FLI1: variants seen among roughly 807,000 people sequenced by gnomAD.
The protein encoded by FLI1 is Fli-1 proto-oncogene, ETS transcription factor.
In FLI1, 13 loss-of-function variants were observed where a neutral mutation model predicts 53.1. The ratio of observed to expected loss-of-function variants is 0.24; its 90% CI spans 0.16 to 0.39. FLI1 has a LOEUF of 0.39. Ranked by LOEUF, FLI1 falls within the 10% of genes least tolerant of loss-of-function variation. The probability of loss-of-function intolerance (pLI) is 1.00; values close to 1 mark genes in which losing one functional copy is unlikely to be tolerated. For synonymous variants in FLI1, 244 were observed against 236.7 expected (o/e 1.03, Z -0.28); for missense variants, 424 against 600.5 (o/e 0.71, Z 3.07).
intron 1 of FLI1, among the ~76,000 whole-genome samples, chr11:128,709,766 C>G (rs1440034039): frequency 6.6e-6 from 1 of 152,190 alleles, no homozygotes; most frequent in Admixed American, 6.5e-5. Flanking sequence ...CTATGGCTGC[C>G]TCCACCCATA....
chr11:128,702,372 T>A (rs1412772130), intron 1 of FLI1, among the ~76,000 whole-genome samples: 2 of 152,230 alleles, frequency 1.3e-5, no homozygotes, highest in African/African-American at 4.8e-5. Context: ...ATTGGAGAAA[T>A]CTTTATTTGT....
In FLI1 at chr11:128,811,101, T is replaced by C; in HGVS notation, c.*113T>C. The C allele has an allele frequency of 9.9e-7, 1 of 1,010,730 alleles. No individual in the cohort carries two copies. Among genetic ancestry groups the C allele is most frequent in the Non-Finnish European group, 1.5e-6 (1 of 662,260 alleles). The allele number at this position is 1,010,730 out of a possible 1,614,324, so 62.6% of individuals were successfully genotyped here. A position where few individuals can be genotyped will look rare whatever the true frequency, so the allele number is the denominator to read the frequency against. On this transcript the variant is annotated 3_prime_UTR_variant, in exon 9 of 9. Transcript: ENST00000527786. ...AAGGGAAGACAAAACTGGATGTTCTTTCTTGTTGGATAGAACCTTTGTATT... is the reference window on the plus strand; with the variant it reads ...AAGGGAAGACAAAACTGGATGTTCTCTCTTGTTGGATAGAACCTTTGTATT...
At chr11:128,708,026 T>G (rs1938624795) in intron 1 of FLI1, among the ~76,000 whole-genome samples, 1 of 152,208 alleles carries the variant, frequency 6.6e-6, no homozygotes, top group South Asian at 2.1e-4. Context: ...CAGGAAAGAA[T>G]GTTTTGTTAG....
At position 128,764,886 on chromosome 11, in the gene FLI1, A is replaced by G. The variant is rs570673878; in HGVS notation, c.231-3232A>G. The G allele has an allele frequency of 5.2e-5, 80 of 1,529,210 alleles. No homozygotes were observed. The African/African-American group carries it at 9.8e-4, about 19-fold the overall frequency. 94.7% of individuals were successfully genotyped at this position (1,529,210 alleles called of 1,614,324 possible). A position where few individuals can be genotyped will look rare whatever the true frequency, so the allele number is the denominator to read the frequency against. On this transcript the variant is annotated intron_variant, in intron 2 of 8. Transcript: ENST00000527786. ...AGGGCCAGCTGGGCAAGTGTGGGGA[A>G]CCAGGATGGTGCCAGCCCTTCTCCC...
chr11:128,688,397 T>G (rs1240931320), intron 1 of FLI1, among the ~76,000 whole-genome samples: 2 of 152,094 alleles, frequency 1.3e-5, no homozygotes, highest in Admixed American at 6.5e-5. Context: ...CACAAAGGGG[T>G]GCATTGATGG....
At chr11:128,723,086 G>C (rs1198860525) in intron 1 of FLI1, among the ~76,000 whole-genome samples, 1 of 152,174 alleles carries the variant, frequency 6.6e-6, no homozygotes, top group African/African-American at 2.4e-5. Context: ...CTTTATTAGG[G>C]TACTAATCCC....
chr11:128,813,086 G>GTT lies in FLI1; in HGVS notation c.*2106_*2107dup. On this transcript the variant is annotated 3_prime_UTR_variant, in exon 9 of 9. Coordinates refer to ENST00000527786, the MANE Select transcript of FLI1 (RefSeq NM_002017.5). ...ATGTGTTTCGGAACATTTGTCTCCA[G>GTT]TTTTTTTTTAATCTTGCACCCTGCC... The GTT allele has an allele frequency of 6.1e-6, 1 of 162,630 alleles. No individual in the cohort carries two copies. 10.1% of individuals were successfully genotyped at this position (162,630 alleles called of 1,614,324 possible).
At chr11:128,740,265 C>T (rs1478411999) in intron 1 of FLI1, among the ~76,000 whole-genome samples, 1 of 152,348 alleles carries the variant, frequency 6.6e-6, no homozygotes, top group East Asian at 1.9e-4. Context: ...CAGGGACCCA[C>T]ACGGGCCTGA....
intron 1 of FLI1, among the ~76,000 whole-genome samples, chr11:128,698,773 T>C (rs1038427496): frequency 6.7e-6 from 1 of 148,812 alleles, no homozygotes; most frequent in Admixed American, 6.7e-5. Flanking sequence ...AAAAGAAAAA[T>C]CATAAAGAAT....
chr11:128,793,356 G>C (rs61909388), intron 5 of FLI1, among the ~76,000 whole-genome samples: 1 of 151,750 alleles, frequency 6.6e-6, no homozygotes, highest in Admixed American at 6.6e-5. Context: ...GCCCCACCCT[G>C]CCCCGTGTCC....
intron 4 of FLI1, among the ~76,000 whole-genome samples, chr11:128,781,101 A>C (rs1327383451): frequency 3.9e-5 from 6 of 152,228 alleles, no homozygotes; most frequent in Non-Finnish European, 7.3e-5. Context: ...ATTGAAGTTT[A>C]ATTTGAAAAG....
At chr11:128,756,848 GT>G (rs1940880044) in intron 1 of FLI1, among the ~76,000 whole-genome samples, 1 of 152,144 alleles carries the variant, frequency 6.6e-6, no homozygotes, top group South Asian at 2.1e-4. Context: ...TTACCCTCAT[GT>G]TTTGATTGGT....
rs923851939 is a variant in FLI1, at chr11:128,696,867, G to T, written c.18+2591G>T. On this transcript the variant is annotated intron_variant, in intron 1 of 8. Coordinates refer to ENST00000527786, the MANE Select transcript of FLI1 (RefSeq NM_002017.5). Reference sequence around the variant, plus strand: ...ACTTAGGTGGTATTTGGTGCAGGAAGCCAGGGAAGTCTGGATTTCTTCACA... The same window carrying T: ...ACTTAGGTGGTATTTGGTGCAGGAATCCAGGGAAGTCTGGATTTCTTCACA... 3.3e-5 allele frequency among the ~76,000 whole-genome samples: 5 copies of T among 152,328 alleles called. No individual in the cohort carries two copies. In the South Asian group the frequency reaches 1.0e-3, roughly 32 times the overall value.
At chr11:128,711,449 C>T (rs547013707) in intron 1 of FLI1, among the ~76,000 whole-genome samples, 21 of 152,306 alleles carry the variant, frequency 1.4e-4, no homozygotes, top group Middle Eastern at 3.4e-3. Flanking sequence ...TTTTCTATCC[C>T]GTCTCCTGGC....
At chr11:128,770,093 T>A (rs1941497494) in intron 3 of FLI1, among the ~76,000 whole-genome samples, 1 of 152,198 alleles carries the variant, frequency 6.6e-6, no homozygotes, top group Non-Finnish European at 1.5e-5. Context: ...GGTCGTCATT[T>A]TGGGGAAGGA....
intron 4 of FLI1, among the ~76,000 whole-genome samples, chr11:128,776,029 A>T (rs990757852): frequency 6.6e-6 from 1 of 152,246 alleles, no homozygotes; most frequent in Non-Finnish European, 1.5e-5. Context: ...ACTTCATAGG[A>T]TAAGAAGCTT....
At chr11:128,750,121 G>A (rs1940580101) in intron 1 of FLI1, among the ~76,000 whole-genome samples, 1 of 152,232 alleles carries the variant, frequency 6.6e-6, no homozygotes, top group Non-Finnish European at 1.5e-5. Context: ...GCTCCCTGTG[G>A]TGACCCTGGG....
chr11:128,798,647 T>C (rs981531168), intron 5 of FLI1, among the ~76,000 whole-genome samples: 33 of 152,176 alleles, frequency 2.2e-4, no homozygotes, highest in Admixed American at 2.1e-3. Flanking sequence ...CAGGATGTTT[T>C]TTCCCTGTGA....
intron 1 of FLI1, among the ~76,000 whole-genome samples, chr11:128,743,270 T>C (rs1289447270): frequency 2.0e-5 from 3 of 152,028 alleles, no homozygotes; most frequent in Non-Finnish European, 4.4e-5. Flanking sequence ...TGGTGGTGTG[T>C]GCCTGTAGTC....
Sources: allele counts gnomAD v4.1 joint callset (sites outside exome capture counted in the v4.1 genomes callset), GRCh38; gene constraint gnomAD v4.1.1; transcripts MANE v1.5; gene names NCBI Gene and HGNC (gene_info 2026-07-23, HGNC 2026-07-21).